PID1: variants seen among roughly 807,000 people sequenced by gnomAD.
PID1 encodes PTB-containing, cubilin and LRP1-interacting protein.
PID1 carries 10 observed loss-of-function variants against 19.1 expected under a neutral mutation model. The ratio of observed to expected loss-of-function variants is 0.52; its 90% CI spans 0.32 to 0.89. The LOEUF is 0.89. Among genes scored for constraint, PID1 ranks in the 40% least tolerant of loss-of-function variants. PID1 has a pLI of 0.03. For synonymous variants in PID1, 130 were observed against 116.0 expected (o/e 1.12, Z -0.78); for missense variants, 248 against 285.3 (o/e 0.87, Z 0.94).
intron 2 of PID1, among the ~76,000 whole-genome samples, chr2:229,060,940 C>T (rs962954496): frequency 2.0e-5 from 3 of 151,928 alleles, no homozygotes; most frequent in African/African-American, 7.2e-5. Flanking sequence ...AGTCACTTGT[C>T]CATTTTTTGA....
chr2:229,166,831 C>A (rs187197394), intron 1 of PID1, among the ~76,000 whole-genome samples: 3 of 151,952 alleles, frequency 2.0e-5, no homozygotes, highest in Non-Finnish European at 1.5e-5. Context: ...GTCGGATGAA[C>A]GCTGGGAATA....
intron 2 of PID1, among the ~76,000 whole-genome samples, chr2:229,108,857 GAA>G (rs1276519836): frequency 6.6e-6 from 1 of 152,182 alleles, no homozygotes; most frequent in Non-Finnish European, 1.5e-5. Flanking sequence ...TAAATTCTCT[GAA>G]GTCTCTCATA....
At chr2:229,210,561 A>T in intron 1 of PID1, among the ~76,000 whole-genome samples, 1 of 137,440 alleles carries the variant, frequency 7.3e-6, no homozygotes, top group East Asian at 2.3e-4. Context: ...AAAACAACCT[A>T]GAAGGAAAAA....
rs796148800 is a variant in PID1 at position 229,139,115 on chromosome 2, G to GAGAAAGAAAGAAAGAAAGAA, written c.177+16683_177+16702dup. Among the ~76,000 whole-genome samples the GAGAAAGAAAGAAAGAAAGAA allele has an allele frequency of 8.9e-4, 43 of 48,062 alleles. 2 individuals are homozygous for GAGAAAGAAAGAAAGAAAGAA. The highest frequency in any genetic ancestry group is 3.0e-3 in the East Asian group (4 of 1,318). 31.5% of individuals were successfully genotyped at this position (48,062 alleles called of 152,430 possible). A position where few individuals can be genotyped will look rare whatever the true frequency, so the allele number is the denominator to read the frequency against. ...AGAAAGAAAGAAAGAAAGAAAGAAA[G>GAGAAAGAAAGAAAGAAAGAA]AGAAAGAAAGAAAGAAAGAAAGAAA... On this transcript the variant is annotated intron_variant, in intron 2 of 2. Coordinates refer to ENST00000392055, the MANE Select transcript of PID1 (RefSeq NM_001100818.2).
intron 2 of PID1, among the ~76,000 whole-genome samples, chr2:229,098,624 A>T (rs1421519038): frequency 6.6e-6 from 1 of 152,140 alleles, no homozygotes; most frequent in Non-Finnish European, 1.5e-5. Flanking sequence ...CATCCCAAGA[A>T]ATATTTAATA....
intron 2 of PID1, among the ~76,000 whole-genome samples, chr2:229,105,079 C>T (rs1695147459): frequency 6.6e-6 from 1 of 152,202 alleles, no homozygotes; most frequent in Non-Finnish European, 1.5e-5. Context: ...TTCTGTGAAA[C>T]AAAGATTTTT....
chr2:229,243,913 C>A (rs1689937684), intron 1 of PID1, among the ~76,000 whole-genome samples: 1 of 152,058 alleles, frequency 6.6e-6, no homozygotes, highest in Admixed American at 6.6e-5. Context: ...GCTTTCTTTT[C>A]AGATCATCTA....
chr2:229,035,871 A>C (rs2106169433), intron 2 of PID1, among the ~76,000 whole-genome samples: 1 of 152,290 alleles, frequency 6.6e-6, no homozygotes, highest in Admixed American at 6.5e-5. Context: ...GTTTGGGTCA[A>C]AGGCAGGTAA....
At chr2:229,194,259 G>A (rs569449012) in intron 1 of PID1, among the ~76,000 whole-genome samples, 1 of 152,064 alleles carries the variant, frequency 6.6e-6, no homozygotes, top group African/African-American at 2.4e-5. Context: ...TGAAGCAACA[G>A]AAGACCTAAG....
chr2:229,253,668 C>T (rs977666401), intron 1 of PID1, among the ~76,000 whole-genome samples: 1 of 151,986 alleles, frequency 6.6e-6, no homozygotes, highest in Admixed American at 6.6e-5. Context: ...GGAAGGGTAC[C>T]CATATACAAG....
At chr2:229,079,399 C>T (rs1229948993) in intron 2 of PID1, among the ~76,000 whole-genome samples, 1 of 152,152 alleles carries the variant, frequency 6.6e-6, no homozygotes, top group Admixed American at 6.5e-5. Context: ...TCTATTGAAT[C>T]ATTTTGCAGT....
intron 2 of PID1, among the ~76,000 whole-genome samples, chr2:229,069,968 A>G (rs576237836): frequency 2.0e-5 from 3 of 152,338 alleles, no homozygotes; most frequent in East Asian, 1.9e-4. Context: ...GAAAGCACCT[A>G]TATCTGAACA....
intron 2 of PID1, among the ~76,000 whole-genome samples, chr2:229,071,673 A>G (rs1423068234): frequency 2.0e-5 from 3 of 152,178 alleles, no homozygotes; most frequent in African/African-American, 7.2e-5. Context: ...TAAAATTTTA[A>G]CTCTACCTTT....
At chr2:229,228,735 G>GCTT (rs1692137421) in intron 1 of PID1, among the ~76,000 whole-genome samples, 1 of 151,228 alleles carries the variant, frequency 6.6e-6, no homozygotes, top group African/African-American at 2.4e-5. Flanking sequence ...AAACAAAAAG[G>GCTT]TATCTGCTAA....
intron 2 of PID1, among the ~76,000 whole-genome samples, chr2:229,052,943 A>T (rs912453708): frequency 3.3e-5 from 5 of 152,216 alleles, no homozygotes; most frequent in Non-Finnish European, 5.9e-5. Context: ...TTTGTCTCAA[A>T]TGACTTCTAT....
intron 2 of PID1, among the ~76,000 whole-genome samples, chr2:229,131,532 C>G (rs1444365558): frequency 2.0e-5 from 3 of 152,144 alleles, no homozygotes; most frequent in Non-Finnish European, 4.4e-5. Context: ...TGGCCAGCCA[C>G]ATTTTTCTAT....
chr2:229,219,636 T>G (rs895936122), intron 1 of PID1, among the ~76,000 whole-genome samples: 2 of 152,064 alleles, frequency 1.3e-5, no homozygotes, highest in African/African-American at 4.8e-5. Context: ...TAGGCTCAAG[T>G]GATCCTCCCA....
At position 229,237,312 on chromosome 2, in the gene PID1, T is replaced by C. The variant is rs114563116; in HGVS notation, c.30+33702A>G. Among the ~76,000 whole-genome samples, 725 of 152,284 alleles carry C rather than the reference T, an allele frequency of 4.8e-3. 4 individuals carry two copies. Among genetic ancestry groups the C allele is most frequent in the African/African-American group, 0.017 (707 of 41,562 alleles). On this transcript the variant is annotated intron_variant, in intron 1 of 2. Transcript: ENST00000392055. ...GAGGCAGTCAACACATAAAAAGATATCTACAGTTATGAATTACTTTGGTGG... is the reference window on the plus strand; with the variant it reads ...GAGGCAGTCAACACATAAAAAGATACCTACAGTTATGAATTACTTTGGTGG...
intron 2 of PID1, among the ~76,000 whole-genome samples, chr2:229,111,767 G>T (rs1695302772): frequency 2.0e-5 from 3 of 152,190 alleles, no homozygotes; most frequent in Middle Eastern, 3.2e-3. Flanking sequence ...TGATAGCGAA[G>T]TAAAGTGGAT....
Sources: gnomAD v4.1 joint callset for allele counts (sites outside exome capture counted in the v4.1 genomes callset) on GRCh38, gnomAD v4.1.1 for gene constraint, MANE v1.5 for transcripts, NCBI Gene and HGNC (gene_info 2026-07-23, HGNC 2026-07-21) for gene names.